The following NFIB variants were observed in gnomAD, a reference collection of about 807,000 sequenced individuals.
The protein encoded by NFIB is nuclear factor I B.
NFIB carries 11 observed loss-of-function variants against 61.5 expected under a neutral mutation model. The ratio of observed to expected loss-of-function variants is 0.18; its 90% CI spans 0.11 to 0.30. NFIB has a LOEUF of 0.30. Among genes scored for constraint, NFIB ranks in the 10% least tolerant of loss-of-function variants. The pLI, the probability that NFIB is intolerant of heterozygous loss-of-function variation, is 1.00. For missense variants in NFIB, 471 were observed against 608.9 expected (o/e 0.77, Z 2.38); for synonymous variants, 260 against 216.5 (o/e 1.20, Z -1.76).
chr9:14,186,795 G>C (rs905542712), intron 2 of NFIB, among the ~76,000 whole-genome samples: 2 of 151,870 alleles, frequency 1.3e-5, no homozygotes, highest in Non-Finnish European at 2.9e-5. Context: ...AAAACACCAG[G>C]CAGCTTCAGT....
chr9:14,203,942 T>TG (rs1200228002), intron 2 of NFIB, among the ~76,000 whole-genome samples: 15 of 151,870 alleles, frequency 9.9e-5, no homozygotes, highest in East Asian at 1.9e-4. Context: ...AAAAAAAATG[T>TG]TAAAAAAAAC....
chr9:14,128,813 T>C (rs183843697), intron 6 of NFIB, among the ~76,000 whole-genome samples: 4 of 152,242 alleles, frequency 2.6e-5, no homozygotes, highest in Admixed American at 1.3e-4. Flanking sequence ...ACTGTAACTA[T>C]ATCAGACTTT....
intron 6 of NFIB, among the ~76,000 whole-genome samples, chr9:14,145,238 G>A (rs1332922168): frequency 6.6e-6 from 1 of 151,998 alleles, no homozygotes; most frequent in Non-Finnish European, 1.5e-5. Context: ...CCAGCCACAT[G>A]GCACACACAG....
chr9:14,208,128 C>A (rs910039156), intron 2 of NFIB, among the ~76,000 whole-genome samples: 1 of 152,164 alleles, frequency 6.6e-6, no homozygotes, highest in Non-Finnish European at 1.5e-5. Flanking sequence ...AATCATCTTT[C>A]CACTTTTATT....
chr9:14,323,318 T>C (rs192336583), intron 1 of NFIB, among the ~76,000 whole-genome samples: 245 of 152,208 alleles, frequency 1.6e-3, no homozygotes, highest in African/African-American at 5.6e-3. Flanking sequence ...GAGTTAATGT[T>C]CATAAAGCAA....
At chr9:14,354,412 G>A (rs1382939612) in intron 1 of NFIB, among the ~76,000 whole-genome samples, 1 of 152,194 alleles carries the variant, frequency 6.6e-6, no homozygotes, top group Admixed American at 6.5e-5. Context: ...AGTGTTACAT[G>A]TGGTAGGTGT....
At chr9:14,349,646 A>G (rs1706691568) in intron 1 of NFIB, among the ~76,000 whole-genome samples, 1 of 152,144 alleles carries the variant, frequency 6.6e-6, no homozygotes, top group Non-Finnish European at 1.5e-5. Flanking sequence ...GCCACAAAGC[A>G]CCCAGCTGAA....
the NFIB span, among the ~76,000 whole-genome samples, chr9:14,520,510 G>A: frequency 6.6e-6 from 1 of 152,196 alleles, no homozygotes; most frequent in Non-Finnish European, 1.5e-5. Context: ...CTGCAGCGGT[G>A]CCACAGACCA....
chr9:14,195,736 T>C (rs1011576798), intron 2 of NFIB, among the ~76,000 whole-genome samples: 3 of 152,176 alleles, frequency 2.0e-5, no homozygotes, highest in African/African-American at 7.2e-5. Context: ...GACAACACTG[T>C]TCAACTTTCT....
intron 2 of NFIB, among the ~76,000 whole-genome samples, chr9:14,241,357 G>T (rs573237281): frequency 2.6e-5 from 4 of 152,106 alleles, no homozygotes; most frequent in African/African-American, 7.2e-5. Context: ...TAAAAAAACA[G>T]CAGTTCATAA....
the NFIB span, among the ~76,000 whole-genome samples, chr9:14,468,072 A>G: frequency 3.7e-3 from 557 of 152,364 alleles, 3 homozygotes; most frequent in African/African-American, 0.013. Flanking sequence ...ATGTGCAGAA[A>G]TTATCCCTAT....
chr9:14,334,835 A>T (rs1009465199), intron 1 of NFIB, among the ~76,000 whole-genome samples: 1 of 152,156 alleles, frequency 6.6e-6, no homozygotes, highest in South Asian at 2.1e-4. Flanking sequence ...CCTCTTGGTG[A>T]TCCCTCTGTC....
chr9:14,388,629 T>C (rs1429233025), intron 1 of NFIB, among the ~76,000 whole-genome samples: 1 of 152,066 alleles, frequency 6.6e-6, no homozygotes, highest in Non-Finnish European at 1.5e-5. Context: ...ATAGTAAACA[T>C]ATAAAAATTA....
the NFIB span, among the ~76,000 whole-genome samples, chr9:14,517,882 C>G: frequency 6.6e-6 from 1 of 152,242 alleles, no homozygotes; most frequent in African/African-American, 2.4e-5. Context: ...TCTGCTCTCT[C>G]TTATTTGCAT....
At chr9:14,418,235 A>G in the NFIB span, among the ~76,000 whole-genome samples, 1 of 152,112 alleles carries the variant, frequency 6.6e-6, no homozygotes, top group Non-Finnish European at 1.5e-5. Flanking sequence ...CCCACATTTC[A>G]AAGAAATAAA....
At chr9:14,170,009 A>G (rs1179479497) in intron 3 of NFIB, among the ~76,000 whole-genome samples, 1 of 152,216 alleles carries the variant, frequency 6.6e-6, no homozygotes, top group Non-Finnish European at 1.5e-5. Flanking sequence ...GGGTAATTAG[A>G]CACATATCTA....
At chr9:14,499,416 G>C in the NFIB span, among the ~76,000 whole-genome samples, 1 of 152,104 alleles carries the variant, frequency 6.6e-6, no homozygotes, top group East Asian at 1.9e-4. Flanking sequence ...GTCTCACATG[G>C]TAACAGGTCT....
At position 14,289,122 on chromosome 9, in the gene NFIB, G is replaced by GCA. The variant is rs1440414990; in HGVS notation, c.562+17866_562+17867insTG. 2.3e-3 allele frequency among the ~76,000 whole-genome samples: 320 copies of GCA among 139,856 alleles called. 4 individuals are homozygous for GCA. The highest frequency in any genetic ancestry group is 9.4e-3 in the South Asian group (42 of 4,464). The allele number at this position is 139,856 out of a possible 152,430, so 91.8% of individuals were successfully genotyped here. A position where few individuals can be genotyped will look rare whatever the true frequency, so the allele number is the denominator to read the frequency against. On this transcript the variant is annotated intron_variant, in intron 2 of 10. Coordinates refer to ENST00000380953, the MANE Select transcript of NFIB (RefSeq NM_001190737.2). ...TGTGTGTGTATGTGTGTGTGTATATGTATATATATATATATATACATATAT... is the reference window on the plus strand; with the variant it reads ...TGTGTGTGTATGTGTGTGTGTATATGCATATATATATATATATATACATATAT...
At chr9:14,273,143 C>T (rs2057749153) in intron 2 of NFIB, among the ~76,000 whole-genome samples, 1 of 152,168 alleles carries the variant, frequency 6.6e-6, no homozygotes, top group African/African-American at 2.4e-5. Flanking sequence ...TCTGGGAAAA[C>T]ATGTTCCCAG....
Sources: gnomAD v4.1 joint callset for allele counts (sites outside exome capture counted in the v4.1 genomes callset) on GRCh38, gnomAD v4.1.1 for gene constraint, MANE v1.5 for transcripts, NCBI Gene and HGNC (gene_info 2026-07-23, HGNC 2026-07-21) for gene names.